CASP9: variants seen among roughly 807,000 people sequenced by gnomAD.
CASP9 encodes the protein caspase-9.
In CASP9, 29 loss-of-function variants were observed where a neutral mutation model predicts 43.5. The ratio of observed to expected loss-of-function variants is 0.67; its 90% confidence interval spans 0.50 to 0.91. The LOEUF (loss-of-function observed/expected upper bound fraction) is 0.91. Among genes scored for constraint, CASP9 ranks in the 40% least tolerant of loss-of-function variants. The pLI, the probability that CASP9 is intolerant of heterozygous loss-of-function variation, is 0.00. For missense variants in CASP9, 575 were observed against 537.4 expected (o/e 1.07, Z -0.69); for synonymous variants, 206 against 211.9 (o/e 0.97, Z 0.24).
chr1:15,494,008 AGG>A lies in CASP9; in HGVS notation c.1049-9_1049-8del. On this transcript the variant is annotated splice_region_variant and splice_polypyrimidine_tract_variant and intron_variant, in intron 7 of 8. Coordinates refer to ENST00000333868, the MANE Select transcript of CASP9 (RefSeq NM_001229.5). Reference sequence around the variant, plus strand: ...TCCCTCCAGGAAACAAAACCTTTGGAGGGAGGAGGGCTGAACACTGCTGGAGA... The same window carrying A: ...TCCCTCCAGGAAACAAAACCTTTGGAGAGGAGGGCTGAACACTGCTGGAGA... 6.4e-7 allele frequency: 1 copy of A among 1,573,484 alleles called. No homozygotes were observed. The highest frequency in any genetic ancestry group is 8.6e-7 in the Non-Finnish European group (1 of 1,160,250).
rs1370645759 is a variant in CASP9, at chr1:15,524,112, A to C, written c.89T>G (p.Leu30Arg). Residue 30 changes from leucine (L) to arginine (R), a missense_variant, in exon 1 of 9, where the codon CTG becomes CGG. Physicochemically the swap from Leu to Arg is moderately radical, Grantham distance 102. Coordinates refer to ENST00000333868, the MANE Select transcript of CASP9 (RefSeq NM_001229.5). ...ATGGGGCCTGAACAGCTCGCGGCTC[A>C]GCAGGGCGTCCCAGAGCTGGTCCAC... ...LQVDQLWDAL[L>R]SRELFRPHMI... The C allele has an allele frequency of 1.3e-6, 2 of 1,540,642 alleles. No homozygotes were observed. The highest frequency in any genetic ancestry group is 8.7e-7 in the Non-Finnish European group (1 of 1,148,054).
At chr1:15,509,939 C>CT (rs945885826) in intron 2 of CASP9, among the ~76,000 whole-genome samples, 10 of 151,224 alleles carry the variant, frequency 6.6e-5, no homozygotes, top group South Asian at 2.1e-4. Context: ...GATGTTTTTT[C>CT]TTTTTTTTTG....
rs771847429 is a variant in CASP9, at chr1:15,518,119, C to T, written c.409G>A (p.Gly137Ser). 5 of 1,613,992 alleles carry T rather than the reference C, an allele frequency of 3.1e-6. No individual in the cohort carries two copies. The highest frequency in any genetic ancestry group is 1.7e-4 in the Middle Eastern group (1 of 6,028). ...CTCTCTTGCTACTTACCGACATCAC[C>T]AAATCCTCCAGAACCAATGTCCACT... ...RPVDIGSGGF[G>S]DVGALESLRG... is the part of the protein sequence containing the mutation. The change falls in exon 2 of 9, where the codon GGT becomes AGT. Residue 137 changes from glycine (G) to serine (S), a missense_variant. Transcript: ENST00000333868.
intron 6 of CASP9, among the ~76,000 whole-genome samples, chr1:15,498,953 G>A (rs1235104679): frequency 2.0e-5 from 3 of 152,014 alleles, no homozygotes; most frequent in African/African-American, 7.2e-5. Context: ...TAGCCAGGAT[G>A]GTCTTGATCT....
intron 2 of CASP9, among the ~76,000 whole-genome samples, chr1:15,513,118 G>A (rs1225131159): frequency 1.4e-5 from 2 of 144,000 alleles, no homozygotes; most frequent in African/African-American, 2.6e-5. Context: ...CGGAGATCGC[G>A]CCACTGCACT....
intron 2 of CASP9, 42 bp downstream of exon 2, chr1:15,518,068 T>G (rs1388043493): frequency 6.2e-7 from 1 of 1,603,766 alleles, no homozygotes; most frequent in Non-Finnish European, 8.5e-7. Context: ...CCCAAATGAC[T>G]ACGTGTCATG....
At chr1:15,503,476 C>T (rs1372141525) in intron 6 of CASP9, among the ~76,000 whole-genome samples, 2 of 152,178 alleles carry the variant, frequency 1.3e-5, no homozygotes, top group Non-Finnish European at 2.9e-5. Context: ...TGACTTAATA[C>T]AGTTCATGTC....
At chr1:15,497,612 C>A (rs1709154832) in intron 6 of CASP9, among the ~76,000 whole-genome samples, 1 of 149,120 alleles carries the variant, frequency 6.7e-6, no homozygotes, top group South Asian at 2.1e-4. Context: ...CACAGTCCTC[C>A]AGTCTGACAA....
chr1:15,517,696 A>G (rs1710003999), intron 2 of CASP9, among the ~76,000 whole-genome samples: 1 of 152,178 alleles, frequency 6.6e-6, no homozygotes, highest in Non-Finnish European at 1.5e-5. Flanking sequence ...AAGGGTAAAT[A>G]CTTTGCAGAT....
chr1:15,515,681 C>T (rs1033292676), intron 2 of CASP9, among the ~76,000 whole-genome samples: 1 of 152,164 alleles, frequency 6.6e-6, no homozygotes, highest in African/African-American at 2.4e-5. Flanking sequence ...ACCCATCACA[C>T]AGGAAAAAAT....
chr1:15,518,171 C>G lies in CASP9; in HGVS notation c.357G>C (p.Glu119Asp). The G allele has an allele frequency of 6.2e-7, 1 of 1,614,182 alleles. No homozygotes were observed. Among genetic ancestry groups the G allele is most frequent in the South Asian group, 1.1e-5 (1 of 91,086 alleles). ...GTCTGGGTGTTTCCGGTCTGAGAAC[C>G]TCTGGTTTGCGAATCTCTGGTCTGA... ...VVLRPEIRKP[E>D]VLRPETPRPV... The change falls in exon 2 of 9, where the codon GAG (glutamate) becomes GAC (aspartate). Residue 119 changes from glutamate to aspartate, a missense_variant. By Grantham distance (45) the Glu-to-Asp change is conservative (BLOSUM62 2). Coordinates refer to ENST00000333868, the MANE Select transcript of CASP9 (RefSeq NM_001229.5).
At chr1:15,496,853 C>T (rs1457467347) in intron 6 of CASP9, among the ~76,000 whole-genome samples, 1 of 151,842 alleles carries the variant, frequency 6.6e-6, no homozygotes, top group Non-Finnish European at 1.5e-5. Context: ...CATCTCTACA[C>T]ATAATAAAAA....
At position 15,518,120 on chromosome 1, in the gene CASP9, A is replaced by G. The variant is rs1132312; in HGVS notation, c.408T>C (p.Phe136=). Residue 136 remains phenylalanine (F), a synonymous_variant, in exon 2 of 9, where the codon TTT becomes TTC. Transcript: ENST00000333868. ...TCTCTTGCTACTTACCGACATCACC[A>G]AATCCTCCAGAACCAATGTCCACTG... The part of the protein sequence containing the change: ...PRPVDIGSGG[F]GDVGALESLR... The G allele has an allele frequency of 0.54, 866,370 of 1,613,430 alleles. 236,280 individuals carry two copies. The highest frequency in any genetic ancestry group is 0.7 in the African/African-American group (52,823 of 74,968).
chr1:15,497,459 A>G (rs1709147560), intron 6 of CASP9, among the ~76,000 whole-genome samples: 1 of 152,036 alleles, frequency 6.6e-6, no homozygotes, highest in Non-Finnish European at 1.5e-5. Context: ...CCTAGCCAAC[A>G]TGGTGAAACC....
chr1:15,496,761 G>A (rs1709117757), intron 6 of CASP9, among the ~76,000 whole-genome samples: 1 of 152,182 alleles, frequency 6.6e-6, no homozygotes, highest in South Asian at 2.1e-4. Flanking sequence ...GGATGCCATG[G>A]CTCACGCCTG....
chr1:15,499,662 T>C (rs952523848), intron 6 of CASP9, among the ~76,000 whole-genome samples: 29 of 152,076 alleles, frequency 1.9e-4, no homozygotes, highest in African/African-American at 6.8e-4. Context: ...ATTAGGAAAA[T>C]GGTTTAGTAA....
At chr1:15,516,326 C>CA (rs944565389) in intron 2 of CASP9, among the ~76,000 whole-genome samples, 4 of 151,008 alleles carry the variant, frequency 2.6e-5, no homozygotes, top group African/African-American at 9.8e-5. Context: ...CCTGTCTCTA[C>CA]AAAAAATACA....
chr1:15,503,043 G>A (rs1310196352), intron 6 of CASP9, among the ~76,000 whole-genome samples: 3 of 152,156 alleles, frequency 2.0e-5, no homozygotes, highest in Non-Finnish European at 4.4e-5. Context: ...TGGGTTTTCA[G>A]TTATTAAAAT....
chr1:15,516,260 T>G (rs1398035840), intron 2 of CASP9, among the ~76,000 whole-genome samples: 2 of 140,880 alleles, frequency 1.4e-5, no homozygotes, highest in Admixed American at 7.3e-5. Flanking sequence ...GAGGCCGAGA[T>G]GGGAGGATTG....
Sources: allele counts gnomAD v4.1 joint callset (sites outside exome capture counted in the v4.1 genomes callset), GRCh38; gene constraint gnomAD v4.1.1; transcripts MANE v1.5; gene names NCBI Gene and HGNC (gene_info 2026-07-23, HGNC 2026-07-21).